Variants in ERBB4 observed in about 807,000 individuals in gnomAD.
ERBB4 encodes receptor tyrosine-protein kinase erbB-4.
In ERBB4, 42 loss-of-function variants were observed where a neutral mutation model predicts 158.0. That is an observed-to-expected ratio of 0.27 (90% CI 0.21 to 0.34). The LOEUF (loss-of-function observed/expected upper bound fraction) is 0.34. Among genes scored for constraint, ERBB4 ranks in the 10% least tolerant of loss-of-function variants. The probability of loss-of-function intolerance (pLI) is 1.00; values close to 1 mark genes in which losing one functional copy is unlikely to be tolerated. For synonymous variants in ERBB4, 583 were observed against 558.7 expected (o/e 1.04, Z -0.61); for missense variants, 1,333 against 1,624.1 (o/e 0.82, Z 3.08).
In ERBB4 at chr2:211,884,093, A is replaced by G. The variant is rs765381951; in HGVS notation, c.421+63337T>C. Among the ~76,000 whole-genome samples the G allele has an allele frequency of 7.0e-4, 106 of 152,290 alleles. 1 individual carries two copies. Among genetic ancestry groups the G allele is most frequent in the East Asian group, 1.5e-3 (8 of 5,178 alleles). ...TAAACATAATTGCTCCATGTTAGAG[A>G]CTAGCCTATTCTAAGTTTCTCAGAT... On this transcript the variant is annotated intron_variant, in intron 3 of 27. Transcript: ENST00000342788.
intron 5 of ERBB4, among the ~76,000 whole-genome samples, chr2:211,746,617 T>G (rs1234581082): frequency 2.0e-5 from 3 of 151,958 alleles, no homozygotes; most frequent in African/African-American, 7.3e-5. Context: ...TCACCTGAGG[T>G]CAGGAGTTCA....
chr2:212,536,180 G>A (rs1448239863), intron 1 of ERBB4, among the ~76,000 whole-genome samples: 5 of 151,974 alleles, frequency 3.3e-5, no homozygotes, highest in Non-Finnish European at 7.4e-5. Context: ...TATTTAGTTG[G>A]GAACACACAG....
At chr2:212,118,906 T>A (rs1345319004) in intron 2 of ERBB4, among the ~76,000 whole-genome samples, 2 of 152,032 alleles carry the variant, frequency 1.3e-5, no homozygotes, top group Non-Finnish European at 2.9e-5. Flanking sequence ...TTCAAAAAAC[T>A]ATACTTTCTG....
intron 2 of ERBB4, among the ~76,000 whole-genome samples, chr2:211,948,221 G>C (rs565854046): frequency 5.1e-4 from 78 of 152,116 alleles, no homozygotes; most frequent in Non-Finnish European, 7.5e-4. Flanking sequence ...TGGATCATGA[G>C]GTCAAGAGAT....
intron 20 of ERBB4, among the ~76,000 whole-genome samples, chr2:211,551,036 C>A (rs571724202): frequency 1.1e-3 from 163 of 152,068 alleles, no homozygotes; most frequent in African/African-American, 3.7e-3. Flanking sequence ...TGCGCCTCAC[C>A]GGCTCCAGTG....
At chr2:211,598,179 G>A (rs1310477895) in intron 19 of ERBB4, among the ~76,000 whole-genome samples, 1 of 152,014 alleles carries the variant, frequency 6.6e-6, no homozygotes, top group Non-Finnish European at 1.5e-5. Context: ...CCTGTCCCCT[G>A]TCCTTTCAAA....
At chr2:211,786,831 C>A (rs2076175696) in intron 4 of ERBB4, among the ~76,000 whole-genome samples, 2 of 152,128 alleles carry the variant, frequency 1.3e-5, no homozygotes, top group Admixed American at 1.3e-4. Context: ...AAACAGAAGG[C>A]ATTTCTGAAA....
At chr2:211,914,436 C>T (rs2079631095) in intron 3 of ERBB4, among the ~76,000 whole-genome samples, 1 of 152,010 alleles carries the variant, frequency 6.6e-6, no homozygotes. Context: ...TGATTATTCA[C>T]ATTGCTCATT....
At chr2:211,683,219 T>C (rs1027826008) in intron 12 of ERBB4, among the ~76,000 whole-genome samples, 4 of 152,208 alleles carry the variant, frequency 2.6e-5, no homozygotes, top group Non-Finnish European at 5.9e-5. Context: ...AAAAAGTTTA[T>C]AGTACAGTAA....
chr2:212,331,056 T>TTTTATATATA (rs1195085255), intron 1 of ERBB4, among the ~76,000 whole-genome samples: 1 of 25,270 alleles, frequency 4.0e-5, no homozygotes, highest in African/African-American at 6.4e-5. Context: ...TATTTGTAAT[T>TTTTATATATA]TGTATATATA....
chr2:212,341,850 T>C (rs1187022693), intron 1 of ERBB4, among the ~76,000 whole-genome samples: 1 of 152,212 alleles, frequency 6.6e-6, no homozygotes, highest in Admixed American at 6.5e-5. Context: ...TAGGTATAGA[T>C]AATCTAGAAG....
chr2:212,437,580 C>A (rs2092165711), intron 1 of ERBB4, among the ~76,000 whole-genome samples: 1 of 151,572 alleles, frequency 6.6e-6, no homozygotes, highest in South Asian at 2.1e-4. Context: ...TATGCCTCCC[C>A]TTCCCACTAA....
chr2:211,675,455 G>GGTTATA (rs1183981421), intron 13 of ERBB4, among the ~76,000 whole-genome samples: 12 of 151,954 alleles, frequency 7.9e-5, no homozygotes, highest in Non-Finnish European at 1.8e-4. Flanking sequence ...ATTATAAAAT[G>GGTTATA]TAAAAAGACT....
intron 20 of ERBB4, among the ~76,000 whole-genome samples, chr2:211,444,132 G>A (rs945972587): frequency 2.1e-5 from 2 of 94,718 alleles, no homozygotes; most frequent in African/African-American, 9.3e-5. Context: ...TTTCATTTCT[G>A]TGTATAATTA....
At chr2:211,521,737 G>A (rs751355503) in intron 20 of ERBB4, among the ~76,000 whole-genome samples, 20 of 152,200 alleles carry the variant, frequency 1.3e-4, no homozygotes, top group Non-Finnish European at 2.2e-4. Context: ...TCTGGTGACC[G>A]GAAATTGAAG....
Position 211,657,745 on chromosome 2 carries a change from A to T in ERBB4, c.1946+9T>A. The T allele has an allele frequency of 6.2e-7, 1 of 1,605,852 alleles. No individual in the cohort carries two copies. The highest frequency in any genetic ancestry group is 1.1e-5 in the South Asian group (1 of 90,932). ...TTGAGCGACAAAATGGAAACATGGTAGATGTTACCTAGCATGTTGTGGTAA... is the reference window on the plus strand; with the variant it reads ...TTGAGCGACAAAATGGAAACATGGTTGATGTTACCTAGCATGTTGTGGTAA... On this transcript the variant is annotated intron_variant, in intron 16 of 27. Coordinates refer to ENST00000342788, the MANE Select transcript of ERBB4 (RefSeq NM_005235.3).
At chr2:212,466,051 A>C (rs993865335) in intron 1 of ERBB4, among the ~76,000 whole-genome samples, 9 of 152,232 alleles carry the variant, frequency 5.9e-5, no homozygotes, top group Non-Finnish European at 1.5e-5. Flanking sequence ...AAGCATCTTA[A>C]AATTTTGCAA....
intron 1 of ERBB4, among the ~76,000 whole-genome samples, chr2:212,329,674 T>C (rs1265376252): frequency 1.3e-5 from 2 of 152,026 alleles, no homozygotes; most frequent in Non-Finnish European, 2.9e-5. Flanking sequence ...CCTTACATGA[T>C]AAAAGTGGGC....
chr2:212,267,412 C>A (rs1444471283), intron 1 of ERBB4, among the ~76,000 whole-genome samples: 2 of 151,424 alleles, frequency 1.3e-5, no homozygotes, highest in Admixed American at 6.6e-5. Flanking sequence ...AAAACAAGAA[C>A]AAAAAACTTC....
Sources: gnomAD v4.1 joint callset for allele counts (sites outside exome capture counted in the v4.1 genomes callset) on GRCh38, gnomAD v4.1.1 for gene constraint, MANE v1.5 for transcripts, NCBI Gene and HGNC (gene_info 2026-07-23, HGNC 2026-07-21) for gene names.